Variants in BBS9 observed in about 807,000 individuals in gnomAD.
BBS9 encodes the protein Bardet-Biedl syndrome 9.
In BBS9, 89 loss-of-function variants were observed where a neutral mutation model predicts 117.7. The ratio of observed to expected loss-of-function variants is 0.76; its 90% CI spans 0.64 to 0.90. BBS9 has a LOEUF of 0.90. Ranked by LOEUF, BBS9 falls within the 40% of genes least tolerant of loss-of-function variation. The pLI, the probability that BBS9 is intolerant of heterozygous loss-of-function variation, is 0.00. For missense variants in BBS9, 982 were observed against 1,042.2 expected (o/e 0.94, Z 0.80); for synonymous variants, 379 against 370.9 (o/e 1.02, Z -0.25).
chr7:33,410,186 A>G (rs1163299466), intron 19 of BBS9, among the ~76,000 whole-genome samples: 3 of 152,204 alleles, frequency 2.0e-5, no homozygotes, highest in Non-Finnish European at 4.4e-5. Context: ...CCTCAGAGAA[A>G]AATGTGTGTT....
At chr7:33,580,416 C>T (rs1189002037) in intron 21 of BBS9, among the ~76,000 whole-genome samples, 2 of 151,854 alleles carry the variant, frequency 1.3e-5, no homozygotes, top group Non-Finnish European at 2.9e-5. Flanking sequence ...GTAGTGGGCC[C>T]TGTAGAAGTA....
chr7:33,346,354 C>G, intron 12 of BBS9: 1 of 421,118 alleles, frequency 2.4e-6, no homozygotes, highest in Non-Finnish European at 4.8e-6. Context: ...GCGTGACCAT[C>G]TATTCCAGGC....
At chr7:33,287,701 A>G (rs1202627842) in intron 9 of BBS9, among the ~76,000 whole-genome samples, 3 of 152,200 alleles carry the variant, frequency 2.0e-5, no homozygotes, top group Admixed American at 6.5e-5. Flanking sequence ...AAATAAGTGT[A>G]AAATAAAAGA....
At chr7:33,299,787 G>C (rs182766438) in intron 9 of BBS9, among the ~76,000 whole-genome samples, 1 of 152,168 alleles carries the variant, frequency 6.6e-6, no homozygotes, top group South Asian at 2.1e-4. Flanking sequence ...TTATTTTACA[G>C]ATGAGATAAG....
At chr7:33,299,462 C>T (rs141346808) in intron 9 of BBS9, among the ~76,000 whole-genome samples, 1 of 151,420 alleles carries the variant, frequency 6.6e-6, no homozygotes, top group East Asian at 1.9e-4. Flanking sequence ...TAATTTATGC[C>T]ACTGTTTTTC....
intron 20 of BBS9, among the ~76,000 whole-genome samples, chr7:33,509,370 A>T (rs915789097): frequency 6.6e-6 from 1 of 152,226 alleles, no homozygotes; most frequent in South Asian, 2.1e-4. Flanking sequence ...TGTGATGGGT[A>T]TCCCACTGAG....
At chr7:33,290,519 C>A (rs1051933229) in intron 9 of BBS9, among the ~76,000 whole-genome samples, 6 of 152,114 alleles carry the variant, frequency 3.9e-5, no homozygotes, top group African/African-American at 1.4e-4. Context: ...CTTAGTGTAA[C>A]GACATCACTG....
chr7:33,277,036 A>G, intron 9 of BBS9: 1 of 243,170 alleles, frequency 4.1e-6, no homozygotes, highest in Non-Finnish European at 9.1e-6. Context: ...CCCACCTGTG[A>G]AGATCTGTTC....
At chr7:33,340,016 T>C (rs916204158) in intron 10 of BBS9, among the ~76,000 whole-genome samples, 1 of 151,402 alleles carries the variant, frequency 6.6e-6, no homozygotes, top group Non-Finnish European at 1.5e-5. Flanking sequence ...AAAATGTTTT[T>C]TGTTTAAGAT....
chr7:33,164,030 G>A (rs1795277499), intron 4 of BBS9, among the ~76,000 whole-genome samples: 2 of 152,156 alleles, frequency 1.3e-5, no homozygotes, highest in African/African-American at 4.8e-5. Flanking sequence ...GGTACGTTGT[G>A]TCTTTGTTCC....
At chr7:33,158,739 T>C (rs769918674) in intron 4 of BBS9, among the ~76,000 whole-genome samples, 2 of 152,106 alleles carry the variant, frequency 1.3e-5, no homozygotes, top group African/African-American at 2.4e-5. Flanking sequence ...GCTTTTCTTA[T>C]TCAGAGGGAT....
At chr7:33,247,012 A>T (rs571868101) in intron 5 of BBS9, among the ~76,000 whole-genome samples, 2 of 152,240 alleles carry the variant, frequency 1.3e-5, no homozygotes, top group African/African-American at 2.4e-5. Flanking sequence ...GAGACTTCTC[A>T]TATTTTTTAA....
At chr7:33,418,679 T>G in intron 19 of BBS9, among the ~76,000 whole-genome samples, 1 of 152,108 alleles carries the variant, frequency 6.6e-6, no homozygotes, top group Middle Eastern at 3.2e-3. Context: ...TTTGAAAGCA[T>G]CTTGTAGCCA....
chr7:33,542,737 G>A (rs201592704), intron 21 of BBS9, among the ~76,000 whole-genome samples: 6 of 43,538 alleles, frequency 1.4e-4, no homozygotes, highest in Middle Eastern at 6.6e-3. Context: ...GTGTGTATAT[G>A]TGTGTGTATA....
At chr7:33,264,438 A>C (rs761098574) in intron 7 of BBS9, 64 bp downstream of exon 7, 8 of 957,146 alleles carry the variant, frequency 8.4e-6, no homozygotes, top group Admixed American at 2.2e-5. Flanking sequence ...TATGTTTGTC[A>C]ATAATAATTC....
At chr7:33,151,750 C>T (rs917810085) in intron 2 of BBS9, among the ~76,000 whole-genome samples, 1 of 151,186 alleles carries the variant, frequency 6.6e-6, no homozygotes, top group Admixed American at 6.6e-5. Flanking sequence ...AGGGTTTCAA[C>T]ATGTTGGCCA....
chr7:33,394,460 G>A (rs976216394), intron 19 of BBS9, among the ~76,000 whole-genome samples: 1 of 152,090 alleles, frequency 6.6e-6, no homozygotes, highest in African/African-American at 2.4e-5. Context: ...ACTAGGCCCA[G>A]TATGTGGGTG....
At chr7:33,267,469 GT>G (rs34552202) in intron 7 of BBS9, among the ~76,000 whole-genome samples, 120,479 of 150,324 alleles carry the variant, frequency 0.8, 48,236 homozygotes, top group Admixed American at 0.85. Context: ...GATTTATCCA[GT>G]TTTTTTTTTA....
rs141417845 is a variant in BBS9 at position 33,288,318 on chromosome 7, A to G, written c.1016+14362A>G. On this transcript the variant is annotated intron_variant, in intron 9 of 22. Coordinates refer to ENST00000242067, the MANE Select transcript of BBS9 (RefSeq NM_198428.3). ...CTAACCTCAACCTTTTTGTGTCCAC[A>G]CTACTTAATTCTCTTGGTTGTGAGA... Among the ~76,000 whole-genome samples, 623 of 152,240 alleles carry G rather than the reference A, an allele frequency of 4.1e-3. 7 individuals are homozygous for G. The highest frequency in any genetic ancestry group is 0.014 in the African/African-American group (599 of 41,536).
Sources: gnomAD v4.1 joint callset for allele counts (sites outside exome capture counted in the v4.1 genomes callset) on GRCh38, gnomAD v4.1.1 for gene constraint, MANE v1.5 for transcripts, NCBI Gene and HGNC (gene_info 2026-07-23, HGNC 2026-07-21) for gene names.